The following MYL5 variants were observed in gnomAD, a reference collection of about 807,000 sequenced individuals.
MYL5 encodes myosin regulatory light chain 5.
Under a neutral mutation model 20.8 loss-of-function variants are expected in MYL5, and 28 were observed. That is an observed-to-expected ratio of 1.35 (90% CI 1.00 to 1.84). The LOEUF is 1.84. Among genes scored for constraint, MYL5 ranks in the 40% most tolerant of loss-of-function variants. The pLI is 0.00. For synonymous variants in MYL5, 118 were observed against 87.4 expected, an observed-to-expected ratio of 1.35 and a Z score of -1.95; for missense variants, 274 against 227.3, an observed-to-expected ratio of 1.21 and a Z score of -1.32.
At chr4:678,275 G>A (rs556679942) in intron 1 of MYL5, 239 of 1,455,612 alleles carry the variant, frequency 1.6e-4, no homozygotes, top group Non-Finnish European at 2.0e-4. Context: ...GTGAGAGTCC[G>A]GAGCAGGATG....
chr4:677,963 A>G, exon 1 of MYL5: 2 of 1,613,052 alleles, frequency 1.2e-6, no homozygotes, highest in Non-Finnish European at 1.7e-6. Flanking sequence ...GGGACCAAGC[A>G]GGAGCTTAAG....
chr4:677,022 C>T, upstream of MYL5: 1 of 752,888 alleles, frequency 1.3e-6, no homozygotes, highest in Non-Finnish European at 1.6e-6. Flanking sequence ...GTCTTTTTAG[C>T]CTTGCAGACA....
chr4:678,168 A>ATGTGTGTGCATGAGCGTG, intron 1 of MYL5, 139 bp downstream of exon 3: 1 of 1,541,022 alleles, frequency 6.5e-7, no homozygotes, highest in Non-Finnish European at 8.8e-7. Context: ...CTGCCTGCAT[A>ATGTGTGTGCATGAGCGTG]TGTGTGTGCA....
exon 7 of MYL5, chr4:681,982 G>A (rs937883933): frequency 4.3e-5 from 60 of 1,405,458 alleles, no homozygotes; most frequent in East Asian, 2.2e-4. Context: ...ACGGGGAGGA[G>A]AAGGAGGAGT....
Position 678,036 on chromosome 4 carries a change from A to G in MYL5, c.3+7A>G, listed in dbSNP as rs758736134. The G allele has an allele frequency of 6.2e-7, 1 of 1,613,346 alleles. No homozygotes were observed. Among genetic ancestry groups the G allele is most frequent in the Non-Finnish European group, 8.5e-7 (1 of 1,179,948 alleles). ...GCAGGCAGAAGCAGGCATGGTGAGCAGGCCGCCGTGCATGCCTGGGGCAGG... is the reference window on the plus strand; with the variant it reads ...GCAGGCAGAAGCAGGCATGGTGAGCGGGCCGCCGTGCATGCCTGGGGCAGG... On this transcript the variant is annotated splice_region_variant and intron_variant, in intron 1 of 6. Transcript: ENST00000400159.
At chr4:678,625 C>G in intron 1 of MYL5, 33 bp from the exon 4 acceptor site, 2 of 1,582,282 alleles carry the variant, frequency 1.3e-6, no homozygotes, top group Non-Finnish European at 1.7e-6. Context: ...GTCAGCCAGC[C>G]CAGGACCCTC....
chr4:679,004 A>G, exon 3 of MYL5: 1 of 1,613,780 alleles, frequency 6.2e-7, no homozygotes, highest in East Asian at 2.2e-5. Flanking sequence ...ATTGACAAGG[A>G]GGACCTGAAG....
intron 1 of MYL5, 83 bp from the exon 4 acceptor site, chr4:678,575 A>G: frequency 6.5e-7 from 1 of 1,530,264 alleles, no homozygotes; most frequent in Non-Finnish European, 8.8e-7. Flanking sequence ...CCTTCATCTG[A>G]GTTAAGTCTC....
At chr4:679,687 G>A (rs144322701) in intron 3 of MYL5, among the ~76,000 whole-genome samples, 4 of 152,310 alleles carry the variant, frequency 2.6e-5, no homozygotes, top group African/African-American at 4.8e-5. Flanking sequence ...CAGGCTCTGT[G>A]TCACCTCCCT....
At position 681,087 on chromosome 4, in the gene MYL5, C is replaced by T. The variant is rs1482647573; in HGVS notation, c.372-5C>T. ...GCCCGCGCTGACCCCTTTCCTCGTC[C>T]TCAGCATCAAGCGTCTGCTGATGTC... On this transcript the variant is annotated splice_polypyrimidine_tract_variant and splice_region_variant and intron_variant, in intron 5 of 6. Transcript: ENST00000400159. 3 of 1,600,080 alleles carry T rather than the reference C, an allele frequency of 1.9e-6. No homozygotes were observed. The highest frequency in any genetic ancestry group is 8.5e-7 in the Non-Finnish European group (1 of 1,173,980).
upstream of MYL5, chr4:675,554 C>G (rs1738774099): frequency 1.3e-5 from 2 of 152,598 alleles, no homozygotes; most frequent in East Asian, 3.8e-4. Context: ...GCCTCTGCCC[C>G]CTCTCCTGGC....
chr4:678,548 GA>G (rs550802415), intron 1 of MYL5, 109 bp from the exon 4 acceptor site: 1 of 1,476,072 alleles, frequency 6.8e-7, no homozygotes, highest in African/African-American at 1.4e-5. Context: ...CCTCCAGCCC[GA>G]AGGGCTGAGG....
chr4:679,247 A>T, intron 3 of MYL5: 1 of 679,770 alleles, frequency 1.5e-6, no homozygotes, highest in South Asian at 1.5e-5. Flanking sequence ...GGTGGGTGGG[A>T]CAGCCCAAGC....
intron 3 of MYL5, 76 bp downstream of exon 5, chr4:679,109 G>C (rs1438518245): frequency 1.6e-6 from 2 of 1,227,654 alleles, no homozygotes; most frequent in African/African-American, 4.7e-5. Context: ...AGACGCCGCG[G>C]CCCCTCCTCG....
intron 3 of MYL5, among the ~76,000 whole-genome samples, chr4:679,702 C>T (rs146572235): frequency 0.012 from 1,827 of 152,320 alleles, 11 homozygotes; most frequent in Non-Finnish European, 0.018. Flanking sequence ...CTCCCTCTCC[C>T]TCAGCACTTA....
At chr4:674,652 T>G (rs1738710899), upstream of MYL5, 2 of 262,210 alleles carry the variant, frequency 7.6e-6, no homozygotes, top group African/African-American at 2.3e-5. Context: ...GGGCGCACTC[T>G]GTCTTCTTGC....
exon 3 of MYL5, chr4:679,033 G>T (rs1016067590): frequency 6.2e-7 from 1 of 1,613,442 alleles, no homozygotes; most frequent in Non-Finnish European, 8.5e-7. Flanking sequence ...TGCCTCCCTG[G>T]GTAGGTACCC....
chr4:679,066 T>G, intron 3 of MYL5, 33 bp downstream of exon 5: 3 of 1,564,168 alleles, frequency 1.9e-6, no homozygotes, highest in Non-Finnish European at 2.6e-6. Context: ...TCAGAGCCCT[T>G]GGAGGAGGCG....
intron 6 of MYL5, 116 bp from the exon 9 acceptor site, chr4:681,777 G>C (rs1245459725): frequency 8.4e-7 from 1 of 1,188,340 alleles, no homozygotes; most frequent in Admixed American, 4.6e-5. Flanking sequence ...CCCCGCACCC[G>C]GGCCCCTCCC....
Sources: gnomAD v4.1 joint callset for allele counts (sites outside exome capture counted in the v4.1 genomes callset) on GRCh38, gnomAD v4.1.1 for gene constraint, MANE v1.5 for transcripts, NCBI Gene and HGNC (gene_info 2026-07-23, HGNC 2026-07-21) for gene names.